GTPBP4: variants seen among roughly 807,000 people sequenced by gnomAD.
GTPBP4 encodes the protein GTP binding protein 4, also known as GTP-binding protein 4.
GTPBP4 carries 15 observed loss-of-function variants against 81.7 expected under a neutral mutation model. The observed-to-expected ratio is 0.18, with a 90% CI of 0.12 to 0.28. GTPBP4 has a LOEUF of 0.28. Ranked by LOEUF, GTPBP4 falls within the 10% of genes least tolerant of loss-of-function variation. GTPBP4 has a pLI of 1.00. For missense variants in GTPBP4, 847 were observed against 793.8 expected (o/e 1.07, Z -0.81); for synonymous variants, 272 against 274.6 (o/e 0.99, Z 0.09).
Position 1,019,359 on chromosome 10 carries a change from T to C in GTPBP4, c.*2132T>C, listed in dbSNP as rs1832047155. ...ATAAGGAAAAGGGAAAATGAAGATA[T>C]GACAAAGTTGATGAAAAGGTTGAAA... On this transcript the variant is annotated 3_prime_UTR_variant, in exon 17 of 17. Coordinates refer to ENST00000360803, the MANE Select transcript of GTPBP4 (RefSeq NM_012341.3). 1.8e-6 allele frequency: 1 copy of C among 567,820 alleles called. No homozygotes were observed. Among genetic ancestry groups the C allele is most frequent in the South Asian group, 2.5e-5 (1 of 39,246 alleles). 35.2% of individuals were successfully genotyped at this position (567,820 alleles called of 1,614,324 possible). A position where few individuals can be genotyped will look rare whatever the true frequency, so the allele number is the denominator to read the frequency against.
At chr10:1,014,070 G>A (rs1157231199) in intron 14 of GTPBP4, among the ~76,000 whole-genome samples, 177 bp from the exon 15 acceptor site, 3 of 152,178 alleles carry the variant, frequency 2.0e-5, no homozygotes, top group East Asian at 1.9e-4. Flanking sequence ...GTTAGTTTTC[G>A]TGGGATTTAA....
At chr10:991,003 C>T (rs1207356934) in intron 1 of GTPBP4, among the ~76,000 whole-genome samples, 2 of 151,842 alleles carry the variant, frequency 1.3e-5, no homozygotes, top group African/African-American at 4.8e-5. Context: ...TAGTACTTGG[C>T]AGACTGTTGT....
chr10:996,151 C>A lies in GTPBP4; in HGVS notation c.369C>A (p.Leu123=), dbSNP rs1202232377. The A allele has an allele frequency of 6.2e-7, 1 of 1,612,006 alleles. No homozygotes were observed. Among genetic ancestry groups the A allele is most frequent in the South Asian group, 1.1e-5 (1 of 90,986 alleles). The stretch of plus-strand genomic sequence containing the variant: ...GACTGATGAAGTATGGCGACTCTCT[C>A]TACCGCTGCAAACAGCTGAAGCGTG... The part of the protein sequence containing the change: ...YVRLMKYGDS[L]YRCKQLKRAA... Residue 123 remains leucine (L), a synonymous_variant, in exon 4 of 17, where the codon CTC becomes CTA. Coordinates refer to ENST00000360803, the MANE Select transcript of GTPBP4 (RefSeq NM_012341.3).
At chr10:1,008,483 T>C in intron 10 of GTPBP4, 1 of 315,864 alleles carries the variant, frequency 3.2e-6, no homozygotes, top group Non-Finnish European at 6.2e-6. Context: ...GAGTTGGTTA[T>C]GTTGTGAGGG....
At chr10:995,894 C>T (rs1831529245) in intron 2 of GTPBP4, 35 bp from the exon 3 acceptor site, 7 of 1,266,462 alleles carry the variant, frequency 5.5e-6, no homozygotes, top group Non-Finnish European at 5.8e-6. Context: ...AACTGCTGGC[C>T]CCAAGTGACC....
chr10:1,019,528 G>A lies in GTPBP4; in HGVS notation c.*2301G>A. On this transcript the variant is annotated 3_prime_UTR_variant, in exon 17 of 17. Coordinates refer to ENST00000360803, the MANE Select transcript of GTPBP4 (RefSeq NM_012341.3). ...GACCTCCCTGCCTCTCACACTCTGT[G>A]TATTTTGTGAAGCTCCACAAACGGG... 1.2e-6 allele frequency: 2 copies of A among 1,612,618 alleles called. No individual in the cohort carries two copies. Among genetic ancestry groups the A allele is most frequent in the Non-Finnish European group, 1.7e-6 (2 of 1,178,988 alleles).
In GTPBP4 at chr10:1,019,689, A is replaced by T. The variant is rs746195930; in HGVS notation, c.*2462A>T. 2.5e-6 allele frequency: 4 copies of T among 1,613,912 alleles called. No individual in the cohort carries two copies. The highest frequency in any genetic ancestry group is 4.5e-5 in the East Asian group (2 of 44,842). On this transcript the variant is annotated 3_prime_UTR_variant, in exon 17 of 17. Coordinates refer to ENST00000360803, the MANE Select transcript of GTPBP4 (RefSeq NM_012341.3). ...CAGCTCCTCCTGGGACAGGTAGAGG[A>T]TGCTTTTCGTTTCACTGGGATCCGG...
intron 15 of GTPBP4, among the ~76,000 whole-genome samples, chr10:1,014,878 A>AG (rs1454681617): frequency 2.8e-5 from 1 of 35,508 alleles, no homozygotes; most frequent in East Asian, 1.2e-3. Flanking sequence ...ACTGTGTCTC[A>AG]AAAAAAAAAA....
chr10:1,012,400 C>A (rs1397108096), intron 13 of GTPBP4, 65 bp from the exon 14 acceptor site: 1 of 1,126,546 alleles, frequency 8.9e-7, no homozygotes, highest in Non-Finnish European at 1.3e-6. Context: ...CACACTCTGC[C>A]ACACTCACTG....
At chr10:988,588 A>C in intron 1 of GTPBP4, 61 bp downstream of exon 1, 1 of 1,320,904 alleles carries the variant, frequency 7.6e-7, no homozygotes, top group Non-Finnish European at 1.1e-6. Flanking sequence ...GTCCCCGGGG[A>C]GGGTCCGGGC....
At chr10:1,011,636 T>G (rs1251544573) in intron 13 of GTPBP4, among the ~76,000 whole-genome samples, 1 of 152,230 alleles carries the variant, frequency 6.6e-6, no homozygotes, top group Non-Finnish European at 1.5e-5. Context: ...AGTTCACATT[T>G]TCAGTCTCGT....
At chr10:992,688 A>G in intron 2 of GTPBP4, 29 bp downstream of exon 2, 1 of 1,426,008 alleles carries the variant, frequency 7.0e-7, no homozygotes, top group Non-Finnish European at 9.8e-7. Context: ...TTCTGTGGTT[A>G]TGTAAATACG....
At position 1,017,131 on chromosome 10, in the gene GTPBP4, G is replaced by T. The variant is rs1832007594; in HGVS notation, c.1809G>T (p.Leu603Phe). The T allele has an allele frequency of 1.2e-6, 2 of 1,613,480 alleles. No homozygotes were observed. Among genetic ancestry groups the T allele is most frequent in the Non-Finnish European group, 8.5e-7 (1 of 1,179,504 alleles). Residue 603 changes from leucine (L) to phenylalanine (F), a missense_variant, in exon 17 of 17, where the codon TTG becomes TTT. By Grantham distance (22) the Leu-to-Phe change is conservative. Transcript: ENST00000360803. ...MKNAQKKMNR[L>F]GKKGEADRHV... ...ATGCTCAGAAGAAGATGAATCGGTTGGGGAAGAAAGGGGAGGCGGATAGAC... is the reference window on the plus strand; with the variant it reads ...ATGCTCAGAAGAAGATGAATCGGTTTGGGAAGAAAGGGGAGGCGGATAGAC...
intron 1 of GTPBP4, among the ~76,000 whole-genome samples, chr10:989,681 C>G (rs1176128990): frequency 6.6e-6 from 1 of 152,204 alleles, no homozygotes; most frequent in African/African-American, 2.4e-5. Flanking sequence ...CCACTTCTCT[C>G]CACCATTTCT....
In GTPBP4 at chr10:1,007,096, C is replaced by T. The variant is rs776366252; in HGVS notation, c.1081C>T (p.His361Tyr). 2.5e-6 allele frequency: 4 copies of T among 1,609,024 alleles called. No homozygotes were observed. The highest frequency in any genetic ancestry group is 1.6e-4 in the Middle Eastern group (1 of 6,070). Residue 361 changes from histidine (H) to tyrosine (Y), a missense_variant, in exon 10 of 17, where the codon CAC becomes TAC. Transcript: ENST00000360803. ...AGTGAATGAGGTGCTGAATAGACTGCACCTGGCTATCCCAACCAGGAGGGA... is the reference window on the plus strand; with the variant it reads ...AGTGAATGAGGTGCTGAATAGACTGTACCTGGCTATCCCAACCAGGAGGGA... ...NKVNEVLNRLHLAIPTRRDDK... is the reference protein window; with the variant it reads ...NKVNEVLNRLYLAIPTRRDDK...
chr10:997,110 T>C (rs1239049222), intron 4 of GTPBP4, 98 bp from the exon 5 acceptor site: 1 of 754,260 alleles, frequency 1.3e-6, no homozygotes, highest in Non-Finnish European at 2.3e-6. Context: ...GTAAGATGAA[T>C]ATCACCATAG....
chr10:989,220 T>C (rs1831399296), intron 1 of GTPBP4, among the ~76,000 whole-genome samples: 1 of 151,020 alleles, frequency 6.6e-6, no homozygotes, highest in South Asian at 2.1e-4. Flanking sequence ...GTTCAAGCGA[T>C]TCTCCTGCTT....
intron 8 of GTPBP4, among the ~76,000 whole-genome samples, chr10:1,005,381 A>ATG (rs1426063335): frequency 1.3e-5 from 2 of 152,030 alleles, no homozygotes; most frequent in African/African-American, 4.8e-5. Flanking sequence ...TCCTGACCTC[A>ATG]TGATCCACCC....
intron 5 of GTPBP4, among the ~76,000 whole-genome samples, chr10:998,327 C>T (rs970312738): frequency 3.3e-5 from 5 of 152,200 alleles, no homozygotes; most frequent in African/African-American, 9.6e-5. Context: ...CTCAAACTCC[C>T]GAGCTCAAGC....
Sources: gnomAD v4.1 joint callset for allele counts (sites outside exome capture counted in the v4.1 genomes callset) on GRCh38, gnomAD v4.1.1 for gene constraint, MANE v1.5 for transcripts, NCBI Gene and HGNC (gene_info 2026-07-23, HGNC 2026-07-21) for gene names.